ARMC7: variants seen among roughly 807,000 people sequenced by gnomAD.
ARMC7 encodes armadillo repeat-containing protein 7.
A neutral mutation model predicts 14.8 loss-of-function variants in ARMC7; 9 were observed. That is an observed-to-expected ratio of 0.61 (90% CI 0.37 to 1.06). The LOEUF is 1.06. Ranked by LOEUF, ARMC7 falls within the 50% of genes least tolerant of loss-of-function variation. ARMC7 has a pLI of 0.01. For synonymous variants in ARMC7, 125 were observed against 123.4 expected, an observed-to-expected ratio of 1.01 and a Z score of -0.09; for missense variants, 262 against 267.1, an observed-to-expected ratio of 0.98 and a Z score of 0.13.
chr17:75,111,064 G>A (rs915973457), intron 2 of ARMC7, among the ~76,000 whole-genome samples: 2 of 151,818 alleles, frequency 1.3e-5, no homozygotes, highest in Non-Finnish European at 1.5e-5. Flanking sequence ...GGCAGAGGCC[G>A]AAGTGAGCTG....
Position 75,128,787 on chromosome 17 carries a change from C to G in ARMC7, c.346C>G (p.Leu116Val). Residue 116 changes from leucine to valine, a missense_variant, in exon 3 of 3, where the codon CTG becomes GTG. Transcript: ENST00000245543. ...ATCCAGCCCCAATGAGGAGACGGTG[C>G]TGTCTGCCATCACCACGCTCATGCA... The part of the protein sequence containing the change: ...CLSSPNEETV[L>V]SAITTLMHLS... The G allele has an allele frequency of 6.2e-7, 1 of 1,613,436 alleles. No individual in the cohort carries two copies. The highest frequency in any genetic ancestry group is 8.5e-7 in the Non-Finnish European group (1 of 1,180,024).
intron 2 of ARMC7, among the ~76,000 whole-genome samples, chr17:75,127,679 C>T (rs1036497919): frequency 1.3e-5 from 2 of 152,064 alleles, no homozygotes; most frequent in Non-Finnish European, 2.9e-5. Context: ...TACTGCAGCT[C>T]CACTTCGTGG....
At position 75,129,731 on chromosome 17, in the gene ARMC7, C is replaced by T. The variant is rs2145139329; in HGVS notation, c.*693C>T. On this transcript the variant is annotated 3_prime_UTR_variant, in exon 3 of 3. Coordinates refer to ENST00000245543, the MANE Select transcript of ARMC7 (RefSeq NM_024585.4). Reference sequence around the variant, plus strand: ...TGGCCATCGGGCATCAAGCACAAGGCCATGCAGGTGATGATACGTCGGAAT... The same window carrying T: ...TGGCCATCGGGCATCAAGCACAAGGTCATGCAGGTGATGATACGTCGGAAT... 6.6e-6 allele frequency: 1 copy of T among 152,634 alleles called. No individual in the cohort carries two copies. The highest frequency in any genetic ancestry group is 1.9e-4 in the East Asian group (1 of 5,190). The allele number at this position is 152,634 out of a possible 1,614,324, so 9.5% of individuals were successfully genotyped here. A position where few individuals can be genotyped will look rare whatever the true frequency, so the allele number is the denominator to read the frequency against.
chr17:75,128,501 G>A (rs2074069782), intron 2 of ARMC7, among the ~76,000 whole-genome samples, 176 bp from the exon 3 acceptor site: 1 of 152,186 alleles, frequency 6.6e-6, no homozygotes, highest in Admixed American at 6.5e-5. Context: ...GCAGGCTGGA[G>A]CAGGCAGGCA....
intron 2 of ARMC7, among the ~76,000 whole-genome samples, chr17:75,124,227 C>T (rs1452008377): frequency 6.6e-6 from 1 of 152,182 alleles, no homozygotes. Flanking sequence ...GGACACTACC[C>T]GCTAGGCAGA....
At chr17:75,121,692 G>T (rs1169566320) in intron 2 of ARMC7, among the ~76,000 whole-genome samples, 1 of 152,186 alleles carries the variant, frequency 6.6e-6, no homozygotes, top group Non-Finnish European at 1.5e-5. Context: ...GGGATTACAG[G>T]TGTGAGCCAC....
At chr17:75,121,985 A>G (rs962888872) in intron 2 of ARMC7, among the ~76,000 whole-genome samples, 1 of 152,064 alleles carries the variant, frequency 6.6e-6, no homozygotes, top group Non-Finnish European at 1.5e-5. Context: ...TACTGTGTTA[A>G]TGGTGTCGTT....
intron 2 of ARMC7, among the ~76,000 whole-genome samples, chr17:75,128,173 C>T (rs937819261): frequency 3.3e-5 from 5 of 152,060 alleles, no homozygotes; most frequent in Admixed American, 6.6e-5. Context: ...GTCCCAGGTT[C>T]AAGCAATTCT....
intron 2 of ARMC7, among the ~76,000 whole-genome samples, chr17:75,123,293 C>G (rs966215733): frequency 6.6e-6 from 1 of 151,116 alleles, no homozygotes; most frequent in Admixed American, 6.6e-5. Flanking sequence ...TGTGATCCAC[C>G]CGCCTCGGCC....
At chr17:75,115,646 C>G (rs1374618583) in intron 2 of ARMC7, among the ~76,000 whole-genome samples, 1 of 151,972 alleles carries the variant, frequency 6.6e-6, no homozygotes, top group Non-Finnish European at 1.5e-5. Flanking sequence ...TGCTTGAGCC[C>G]CCAGGAGGTC....
At chr17:75,123,511 G>A (rs2145131349) in intron 2 of ARMC7, among the ~76,000 whole-genome samples, 1 of 151,866 alleles carries the variant, frequency 6.6e-6, no homozygotes, top group Middle Eastern at 3.4e-3. Context: ...CCACCACCGT[G>A]CCCGGCTAAT....
intron 2 of ARMC7, among the ~76,000 whole-genome samples, chr17:75,111,883 G>A (rs1047405363): frequency 2.6e-5 from 4 of 151,488 alleles, no homozygotes; most frequent in African/African-American, 9.8e-5. Flanking sequence ...CGCGTGTACC[G>A]TATATGCAAG....
At chr17:75,112,556 C>CTTTTTTTT (rs1462888782) in intron 2 of ARMC7, among the ~76,000 whole-genome samples, 1 of 147,026 alleles carries the variant, frequency 6.8e-6, no homozygotes, top group African/African-American at 2.5e-5. Context: ...TTAAATCTCT[C>CTTTTTTTT]TTTTTATTCT....
At chr17:75,117,494 A>G (rs1283198702) in intron 2 of ARMC7, among the ~76,000 whole-genome samples, 2 of 152,190 alleles carry the variant, frequency 1.3e-5, no homozygotes, top group African/African-American at 4.8e-5. Flanking sequence ...GGCAGAGGTT[A>G]CAGACAAAGT....
rs1453337489 is a variant in ARMC7 at position 75,129,549 on chromosome 17, C to T, written c.*511C>T. ...GGCTCTGGAGGATGGATGCCTCCCC[C>T]AGGGGCTCTCCAAGCTGGGCATTTG... On this transcript the variant is annotated 3_prime_UTR_variant, in exon 3 of 3. Transcript: ENST00000245543. 1.9e-5 allele frequency: 3 copies of T among 153,912 alleles called. No homozygotes were observed. Among genetic ancestry groups the T allele is most frequent in the African/African-American group, 7.2e-5 (3 of 41,444 alleles). 9.5% of individuals were successfully genotyped at this position (153,912 alleles called of 1,614,324 possible).
At chr17:75,112,580 T>C (rs1401817804) in intron 2 of ARMC7, among the ~76,000 whole-genome samples, 2 of 145,956 alleles carry the variant, frequency 1.4e-5, no homozygotes, top group Admixed American at 6.8e-5. Context: ...TTTCTTTTTT[T>C]TTTTTTTTTT....
At chr17:75,113,494 A>G (rs1346504687) in intron 2 of ARMC7, among the ~76,000 whole-genome samples, 2 of 149,416 alleles carry the variant, frequency 1.3e-5, no homozygotes, top group East Asian at 4.0e-4. Context: ...AGCTGGGATT[A>G]CAGGCGCCCC....
At chr17:75,117,408 C>A (rs1238690788) in intron 2 of ARMC7, among the ~76,000 whole-genome samples, 1 of 152,148 alleles carries the variant, frequency 6.6e-6, no homozygotes, top group East Asian at 1.9e-4. Flanking sequence ...GGGCGACAAG[C>A]AAGAAGAATC....
rs1325247455 is a variant in ARMC7 at position 75,110,063 on chromosome 17, A to AT, written c.-222dup. On this transcript the variant is annotated 5_prime_UTR_variant, in exon 1 of 3. Coordinates refer to ENST00000245543, the MANE Select transcript of ARMC7 (RefSeq NM_024585.4). ...CCCTGTCTCCCGCGCCCCAATTTCG[A>AT]TTTTCAAACGCAACTCCTACAGGAT... The AT allele has an allele frequency of 1.9e-6, 1 of 517,918 alleles. No homozygotes were observed. The highest frequency in any genetic ancestry group is 3.4e-6 in the Non-Finnish European group (1 of 294,336). 32.1% of individuals were successfully genotyped at this position (517,918 alleles called of 1,614,324 possible). A position where few individuals can be genotyped will look rare whatever the true frequency, so the allele number is the denominator to read the frequency against.
Sources: allele counts gnomAD v4.1 joint callset (sites outside exome capture counted in the v4.1 genomes callset), GRCh38; gene constraint gnomAD v4.1.1; transcripts MANE v1.5; gene names NCBI Gene and HGNC (gene_info 2026-07-23, HGNC 2026-07-21).